CRYBB2: variants seen among roughly 807,000 people sequenced by gnomAD.
The protein encoded by CRYBB2 is beta-crystallin B2.
A neutral mutation model predicts 24.3 loss-of-function variants in CRYBB2; 12 were observed. The observed-to-expected ratio is 0.49, with a 90% CI of 0.32 to 0.80. The LOEUF is 0.80. Ranked by LOEUF, CRYBB2 falls within the 30% of genes least tolerant of loss-of-function variation. The probability of loss-of-function intolerance (pLI) is 0.04; values close to 1 mark genes in which losing one functional copy is unlikely to be tolerated. For missense variants in CRYBB2, 198 were observed against 268.5 expected (o/e 0.74, Z 1.83); for synonymous variants, 98 against 101.6 (o/e 0.96, Z 0.21).
intron 1 of CRYBB2, chr22:25,213,386 G>C (rs1045179982): frequency 1.3e-5 from 2 of 152,284 alleles, no homozygotes; most frequent in African/African-American, 2.4e-5. Context: ...CTATGTATCT[G>C]TCAGGCTATG....
At chr22:25,219,558 C>T (rs916727588), upstream of CRYBB2, 8 of 152,274 alleles carry the variant, frequency 5.3e-5, no homozygotes, top group African/African-American at 7.2e-5. Context: ...CCCTGCTTTT[C>T]GCAGGAGCAC....
intron 5 of CRYBB2, among the ~76,000 whole-genome samples, 185 bp downstream of exon 5, chr22:25,229,763 T>G (rs1222116145): frequency 6.6e-6 from 1 of 152,132 alleles, no homozygotes; most frequent in East Asian, 1.9e-4. Flanking sequence ...CCGCTGAATT[T>G]CTTTCTAGAG....
chr22:25,212,490 C>A (rs1601412382), upstream of CRYBB2, among the ~76,000 whole-genome samples: 2 of 152,208 alleles, frequency 1.3e-5, no homozygotes, highest in Non-Finnish European at 2.9e-5. Flanking sequence ...CATTAGGGGG[C>A]CTCAGCAAAT....
At chr22:25,215,746 G>A (rs1935161094), upstream of CRYBB2, among the ~76,000 whole-genome samples, 1 of 152,224 alleles carries the variant, frequency 6.6e-6, no homozygotes, top group Admixed American at 6.5e-5. Context: ...TCAAGCACTG[G>A]TCCTACCACT....
At chr22:25,220,750 A>C (rs1232173890) in intron 1 of CRYBB2, among the ~76,000 whole-genome samples, 1 of 152,154 alleles carries the variant, frequency 6.6e-6, no homozygotes, top group Non-Finnish European at 1.5e-5. Flanking sequence ...CTCACTAGCT[A>C]AGGCAGGTCT....
chr22:25,224,059 G>A (rs1009365118), intron 2 of CRYBB2, among the ~76,000 whole-genome samples: 1 of 151,020 alleles, frequency 6.6e-6, no homozygotes, highest in African/African-American at 2.4e-5. Flanking sequence ...AGGAGGCGGA[G>A]CTTGCAGTGA....
Position 25,225,036 on chromosome 22 carries a change from C to T in CRYBB2, c.173C>T (p.Pro58Leu), listed in dbSNP as rs763268420. 5.2e-6 allele frequency: 8 copies of T among 1,552,392 alleles called. No homozygotes were observed. Among genetic ancestry groups the T allele is most frequent in the African/African-American group, 1.4e-5 (1 of 73,760 alleles). The change falls in exon 3 of 6, where the codon CCC (proline) becomes CTC (leucine). Residue 58 changes from proline (P) to leucine (L), a missense_variant and splice_region_variant. By Grantham distance (98) the Pro-to-Leu change is moderately conservative. Coordinates refer to ENST00000398215, the MANE Select transcript of CRYBB2 (RefSeq NM_000496.3). The part of the protein sequence containing the change: ...KAGSVLVQAG[P>L]WVGYEQANCK... ...GGTTCTGTCCTAGTGCAGGCTGGAC[C>T]GTAAGTACCTGGGTGGCCTCTCCTG... is the stretch of plus-strand genomic sequence containing the variant.
At position 25,231,594 on chromosome 22, in the gene CRYBB2, G is replaced by A. The variant is rs760240932; in HGVS notation, c.450-10G>A. 6.2e-7 allele frequency: 1 copy of A among 1,613,894 alleles called. No individual in the cohort carries two copies. The highest frequency in any genetic ancestry group is 1.7e-5 in the Admixed American group (1 of 60,014). On this transcript the variant is annotated splice_polypyrimidine_tract_variant and intron_variant, in intron 5 of 5. Transcript: ENST00000398215. ...CCTCGTTCACCCTCCCATCACCTCTGGCCCTGCAGGTGGGTTGGCTACCAG... is the reference window on the plus strand; with the variant it reads ...CCTCGTTCACCCTCCCATCACCTCTAGCCCTGCAGGTGGGTTGGCTACCAG...
chr22:25,231,573 G>A (rs776207485), intron 5 of CRYBB2, 31 bp from the exon 6 acceptor site: 13 of 1,611,030 alleles, frequency 8.1e-6, no homozygotes, highest in East Asian at 6.7e-5. Flanking sequence ...TGTCCCCCTC[G>A]TTCACCCTCC....
At chr22:25,228,880 G>C (rs1010326866) in intron 4 of CRYBB2, among the ~76,000 whole-genome samples, 1 of 152,224 alleles carries the variant, frequency 6.6e-6, no homozygotes, top group Non-Finnish European at 1.5e-5. Flanking sequence ...AATATCTCAG[G>C]TGCCTATTAG....
chr22:25,227,561 G>A (rs1325251457), intron 3 of CRYBB2, among the ~76,000 whole-genome samples: 1 of 150,322 alleles, frequency 6.7e-6, no homozygotes, highest in East Asian at 2.0e-4. Flanking sequence ...GCATACTATT[G>A]GCTTTAGTGC....
intron 4 of CRYBB2, among the ~76,000 whole-genome samples, chr22:25,229,032 G>A (rs1019201362): frequency 3.4e-5 from 5 of 146,110 alleles, no homozygotes; most frequent in African/African-American, 7.8e-5. Flanking sequence ...ACGTGTGTGC[G>A]TGCGTGTGTG....
intron 5 of CRYBB2, among the ~76,000 whole-genome samples, chr22:25,230,154 CT>C (rs60217259): frequency 0.39 from 55,798 of 143,544 alleles, 11,168 homozygotes; most frequent in Non-Finnish European, 0.47. Context: ...CTTGTAAGAA[CT>C]TTTTTTTTTT....
Position 25,231,697 on chromosome 22 carries a change from C to T in CRYBB2, c.543C>T (p.His181=), listed in dbSNP as rs776509242. The T allele has an allele frequency of 5.6e-6, 9 of 1,614,104 alleles. No homozygotes were observed. The highest frequency in any genetic ancestry group is 6.8e-6 in the Non-Finnish European group (8 of 1,179,992). Residue 181 remains histidine (H), a synonymous_variant, in exon 6 of 6, where the codon CAC becomes CAT. Coordinates refer to ENST00000398215, the MANE Select transcript of CRYBB2 (RefSeq NM_000496.3). ...YKDSSDFGAP[H]PQVQSVRRIR... ...ACAGCAGCGACTTTGGGGCCCCTCA[C>T]CCCCAGGTGCAGTCCGTGCGCCGTA...
intron 1 of CRYBB2, among the ~76,000 whole-genome samples, chr22:25,220,658 C>G (rs1473563375): frequency 6.6e-6 from 1 of 152,180 alleles, no homozygotes; most frequent in East Asian, 1.9e-4. Flanking sequence ...TCTCTTACCC[C>G]TGGGGAAACA....
upstream of CRYBB2, among the ~76,000 whole-genome samples, chr22:25,214,927 C>G (rs73879214): frequency 4.1e-3 from 622 of 152,356 alleles, 2 homozygotes; most frequent in African/African-American, 0.014. Context: ...TAATAAACAT[C>G]TCCCTAGCAT....
At chr22:25,218,857 A>AAAG (rs1569016605), upstream of CRYBB2, among the ~76,000 whole-genome samples, 1 of 128,350 alleles carries the variant, frequency 7.8e-6, no homozygotes, top group African/African-American at 3.0e-5. Context: ...AGAAAGAAAG[A>AAAG]AAAGAAAGAG....
chr22:25,226,168 C>G (rs370326791), intron 3 of CRYBB2, among the ~76,000 whole-genome samples: 45 of 149,156 alleles, frequency 3.0e-4, no homozygotes, highest in Admixed American at 1.1e-3. Context: ...TTGGATTTCT[C>G]TGTGTGTGTG....
chr22:25,218,362 T>C (rs1415580133), upstream of CRYBB2, among the ~76,000 whole-genome samples: 3 of 148,750 alleles, frequency 2.0e-5, no homozygotes, highest in African/African-American at 5.0e-5. Context: ...TCTAGGACAG[T>C]GGTTAAGAAA....
Sources: gnomAD v4.1 joint callset for allele counts (sites outside exome capture counted in the v4.1 genomes callset) on GRCh38, gnomAD v4.1.1 for gene constraint, MANE v1.5 for transcripts, NCBI Gene and HGNC (gene_info 2026-07-23, HGNC 2026-07-21) for gene names.